The following ATP9B variants were observed in gnomAD, a reference collection of about 807,000 sequenced individuals.
ATP9B encodes the protein probable phospholipid-transporting ATPase IIB.
ATP9B carries 110 observed loss-of-function variants against 146.1 expected under a neutral mutation model. That is an observed-to-expected ratio of 0.75 (90% CI 0.65 to 0.88). The LOEUF (loss-of-function observed/expected upper bound fraction) is 0.88. Among genes scored for constraint, ATP9B ranks in the 40% least tolerant of loss-of-function variants. The probability of loss-of-function intolerance (pLI) is 0.00; values close to 1 mark genes in which losing one functional copy is unlikely to be tolerated. For missense variants in ATP9B, 1,499 were observed against 1,496.4 expected, an observed-to-expected ratio of 1.00 and a Z score of -0.03; for synonymous variants, 604 against 569.7, an observed-to-expected ratio of 1.06 and a Z score of -0.86.
Position 79,176,812 on chromosome 18 carries a change from G to A in ATP9B, c.779-1G>A, listed in dbSNP as rs2095178482. On this transcript the variant is annotated splice_acceptor_variant, in intron 7 of 29. Transcript: ENST00000426216. LOFTEE classifies it high-confidence loss of function. ...GTAAATTTTTATTCTCTACTTCCAA[G>A]GTTCGTGTTTTATTCGAACTGATCA... 6.2e-7 allele frequency: 1 copy of A among 1,613,448 alleles called. No homozygotes were observed. The highest frequency in any genetic ancestry group is 1.3e-5 in the African/African-American group (1 of 74,862).
intron 12 of ATP9B, among the ~76,000 whole-genome samples, chr18:79,267,220 T>C (rs2096212221): frequency 6.6e-6 from 1 of 152,094 alleles, no homozygotes; most frequent in Non-Finnish European, 1.5e-5. Context: ...GTTCATATTT[T>C]CCTGTTATCC....
intron 15 of ATP9B, among the ~76,000 whole-genome samples, chr18:79,327,498 AGTGTGCTCTCTCC>A (rs2096755814): frequency 2.7e-4 from 39 of 146,380 alleles, no homozygotes; most frequent in African/African-American, 5.0e-4. Flanking sequence ...CTCCGTGGTT[AGTGTGCTCTCTCC>A]ATGGTTAGCG....
chr18:79,253,359 G>C, intron 11 of ATP9B, 22 bp from the exon 12 acceptor site: 1 of 1,598,982 alleles, frequency 6.3e-7, no homozygotes, highest in Non-Finnish European at 8.5e-7. Context: ...GCTTGTTCAT[G>C]TATTATGTGT....
chr18:79,243,204 A>G (rs766388054), intron 11 of ATP9B, among the ~76,000 whole-genome samples: 42 of 152,240 alleles, frequency 2.8e-4, no homozygotes, highest in Non-Finnish European at 3.1e-4. Flanking sequence ...GAAAATGTAC[A>G]GAACCTAGTG....
At chr18:79,162,751 A>G (rs939559916) in intron 7 of ATP9B, among the ~76,000 whole-genome samples, 2 of 152,218 alleles carry the variant, frequency 1.3e-5, no homozygotes, top group South Asian at 2.1e-4. Flanking sequence ...TGCAAAGTCA[A>G]TGCCTATCTT....
chr18:79,177,318 C>T (rs2095187362), intron 8 of ATP9B, among the ~76,000 whole-genome samples: 3 of 152,172 alleles, frequency 2.0e-5, no homozygotes, highest in Admixed American at 2.0e-4. Context: ...TCACTGCAGC[C>T]TCAAACGCCT....
chr18:79,125,010 AAG>A (rs2094257878), intron 4 of ATP9B, among the ~76,000 whole-genome samples: 1 of 152,168 alleles, frequency 6.6e-6, no homozygotes, highest in Non-Finnish European at 1.5e-5. Context: ...GGGAATTGGA[AAG>A]AGGGCCTGGT....
intron 26 of ATP9B, chr18:79,361,910 C>T (rs2096991544): frequency 1.8e-6 from 1 of 571,210 alleles, no homozygotes. Context: ...GCCCTGCTCT[C>T]AACAAGTCTG....
chr18:79,325,425 A>G (rs566377739), intron 15 of ATP9B, among the ~76,000 whole-genome samples: 132 of 152,276 alleles, frequency 8.7e-4, no homozygotes, highest in Non-Finnish European at 1.3e-3. Context: ...TACTTTGTAA[A>G]CTTCTTAAAA....
intron 10 of ATP9B, among the ~76,000 whole-genome samples, chr18:79,211,987 G>A (rs1378030823): frequency 1.3e-5 from 2 of 152,130 alleles, no homozygotes; most frequent in Non-Finnish European, 2.9e-5. Flanking sequence ...TATCTTATAC[G>A]ACACAAAATG....
At chr18:79,294,756 A>G (rs891643471) in intron 13 of ATP9B, among the ~76,000 whole-genome samples, 6 of 152,176 alleles carry the variant, frequency 3.9e-5, no homozygotes, top group Non-Finnish European at 7.4e-5. Context: ...TCTTTCACAA[A>G]TGATACTGAC....
At chr18:79,092,374 T>C (rs935786803) in intron 1 of ATP9B, among the ~76,000 whole-genome samples, 2 of 152,186 alleles carry the variant, frequency 1.3e-5, no homozygotes, top group African/African-American at 4.8e-5. Flanking sequence ...TGTGTATCTG[T>C]GTATCTAAGC....
intron 12 of ATP9B, among the ~76,000 whole-genome samples, chr18:79,268,702 T>C (rs1358881372): frequency 6.6e-6 from 1 of 152,246 alleles, no homozygotes; most frequent in Non-Finnish European, 1.5e-5. Flanking sequence ...ACTGATTTTG[T>C]TTATACATTC....
At chr18:79,088,688 GATT>G (rs1482406401) in intron 1 of ATP9B, among the ~76,000 whole-genome samples, 3 of 152,152 alleles carry the variant, frequency 2.0e-5, no homozygotes, top group Admixed American at 2.0e-4. Flanking sequence ...TCTTCTTTGT[GATT>G]ATTTTTAGTG....
At chr18:79,263,955 G>A (rs556995889) in intron 12 of ATP9B, among the ~76,000 whole-genome samples, 2 of 152,114 alleles carry the variant, frequency 1.3e-5, no homozygotes, top group Non-Finnish European at 2.9e-5. Flanking sequence ...CGTGGTAGCG[G>A]GTGCCTGTAG....
chr18:79,217,767 CA>C (rs1340700214), intron 11 of ATP9B, among the ~76,000 whole-genome samples: 1 of 152,200 alleles, frequency 6.6e-6, no homozygotes, highest in Non-Finnish European at 1.5e-5. Flanking sequence ...ACGGTGACAT[CA>C]CAGTGTTCTT....
intron 9 of ATP9B, among the ~76,000 whole-genome samples, chr18:79,195,776 A>G (rs2095412420): frequency 6.6e-6 from 1 of 152,160 alleles, no homozygotes; most frequent in African/African-American, 2.4e-5. Context: ...ACAGTAAGAG[A>G]TAGGGAGGTT....
In ATP9B at chr18:79,236,013, C is replaced by G. The variant is rs73971590; in HGVS notation, c.1108-17368C>G. Among the ~76,000 whole-genome samples the G allele has an allele frequency of 7.5e-3, 1,146 of 152,108 alleles. 13 individuals carry two copies. The highest frequency in any genetic ancestry group is 0.018 in the African/African-American group (733 of 41,494). ...TGCCTCCTGTAAGGTGTGTACCGAG[C>G]GAGTGGTATTCCTGGGTCGTATAGC... is the stretch of plus-strand genomic sequence containing the variant. On this transcript the variant is annotated intron_variant, in intron 11 of 29. Transcript: ENST00000426216.
chr18:79,213,271 T>C (rs2095599735), intron 10 of ATP9B, among the ~76,000 whole-genome samples: 1 of 152,110 alleles, frequency 6.6e-6, no homozygotes, highest in African/African-American at 2.4e-5. Context: ...CAGAAAGAGA[T>C]TTCCATGGTT....
Sources: allele counts gnomAD v4.1 joint callset (sites outside exome capture counted in the v4.1 genomes callset), GRCh38; gene constraint gnomAD v4.1.1; transcripts MANE v1.5; gene names NCBI Gene and HGNC (gene_info 2026-07-23, HGNC 2026-07-21).